Variants in EIF3A observed in about 807,000 individuals in gnomAD.
The protein encoded by EIF3A is EIF3, p180 subunit.
A neutral mutation model predicts 186.6 loss-of-function variants in EIF3A; 21 were observed. The observed-to-expected ratio is 0.11, with a 90% CI of 0.08 to 0.16. The LOEUF (loss-of-function observed/expected upper bound fraction) is 0.16. Among genes scored for constraint, EIF3A ranks in the 10% least tolerant of loss-of-function variants. The pLI, the probability that EIF3A is intolerant of heterozygous loss-of-function variation, is 1.00. For synonymous variants in EIF3A, 563 were observed against 584.3 expected (o/e 0.96, Z 0.52); for missense variants, 1,306 against 1,796.3 (o/e 0.73, Z 4.93).
In EIF3A at chr10:119,061,314, T is replaced by C. The variant is rs146844229; in HGVS notation, c.1137A>G (p.Val379=). ...GLINDMVRFN[V]LQYVVPEVKD... ...TCACTTCTGGGACAACATATTGTAG[T>C]ACATTAAATCTGACCTACAGTAAGC... The change falls in exon 8 of 22, where the codon GTA becomes GTG. Residue 379 remains valine (V), a synonymous_variant. Coordinates refer to ENST00000369144, the MANE Select transcript of EIF3A (RefSeq NM_003750.4). The C allele has an allele frequency of 3.0e-4, 464 of 1,557,492 alleles. No individual in the cohort carries two copies. Among genetic ancestry groups the C allele is most frequent in the Non-Finnish European group, 4.0e-4 (457 of 1,138,480 alleles).
At chr10:119,065,790 C>G (rs1843963401) in intron 6 of EIF3A, among the ~76,000 whole-genome samples, 1 of 152,182 alleles carries the variant, frequency 6.6e-6, no homozygotes, top group African/African-American at 2.4e-5. Flanking sequence ...CATCTATCCA[C>G]TCAGTACTGT....
At chr10:119,069,853 G>T (rs1245608915) in intron 5 of EIF3A, among the ~76,000 whole-genome samples, 199 bp from the exon 6 acceptor site, 2 of 151,632 alleles carry the variant, frequency 1.3e-5, no homozygotes, top group Non-Finnish European at 2.9e-5. Flanking sequence ...ACGTTTTAAA[G>T]TTCTTTAGGA....
intron 1 of EIF3A, among the ~76,000 whole-genome samples, chr10:119,079,970 C>A (rs1844236282): frequency 6.6e-6 from 1 of 152,136 alleles, no homozygotes; most frequent in Admixed American, 6.5e-5. Context: ...TGCTTCTAAT[C>A]AATGCCAGGA....
chr10:119,068,986 A>G (rs1589694838), intron 6 of EIF3A, among the ~76,000 whole-genome samples: 1 of 151,944 alleles, frequency 6.6e-6, no homozygotes, highest in Admixed American at 6.6e-5. Flanking sequence ...AAAAAAAAAA[A>G]AAAAGAAAAG....
chr10:119,049,693 CCACTGTACTCCA>C lies in EIF3A; in HGVS notation c.2658+96_2658+107del, dbSNP rs1848330534. 5.5e-6 allele frequency: 5 copies of C among 912,954 alleles called. No homozygotes were observed. The East Asian group carries it at 1.2e-4, about 22-fold the overall frequency. 56.6% of individuals were successfully genotyped at this position (912,954 alleles called of 1,614,324 possible). A position where few individuals can be genotyped will look rare whatever the true frequency, so the allele number is the denominator to read the frequency against. ...CTTGAACCCGGGGGCTGAGATTGCA[CCACTGTACTCCA>C]GCCTGGGCAACCTGGGCGACAGAGC... On this transcript the variant is annotated intron_variant, in intron 17 of 21. Transcript: ENST00000369144.
rs191788011 is a variant in EIF3A, at chr10:119,079,304, C to A, written c.49+1324G>T. Reference sequence around the variant, plus strand: ...AATTATCCTATTCCACAGACCAGTTCCCTCCCCGACAAAAAGTGTTACTTT... The same window carrying A: ...AATTATCCTATTCCACAGACCAGTTACCTCCCCGACAAAAAGTGTTACTTT... On this transcript the variant is annotated intron_variant, in intron 1 of 21. Coordinates refer to ENST00000369144, the MANE Select transcript of EIF3A (RefSeq NM_003750.4). Among the ~76,000 whole-genome samples, 48 of 152,250 alleles carry A rather than the reference C, an allele frequency of 3.2e-4. 2 individuals carry two copies. Among genetic ancestry groups the A allele is most frequent in the African/African-American group, 1.1e-3 (47 of 41,560 alleles).
intron 18 of EIF3A, among the ~76,000 whole-genome samples, chr10:119,043,073 C>T (rs977651398): frequency 1.3e-5 from 2 of 152,028 alleles, no homozygotes; most frequent in African/African-American, 4.8e-5. Flanking sequence ...TGCTTGAGCC[C>T]AGGAGTTTGA....
intron 1 of EIF3A, among the ~76,000 whole-genome samples, chr10:119,075,610 T>TAA (rs1361570172): frequency 0.013 from 67 of 5,184 alleles, 1 homozygote; most frequent in Non-Finnish European, 0.029. Flanking sequence ...AACACTACAC[T>TAA]AAAAAAAAAA....
At chr10:119,051,431 T>G (rs759188531) in intron 14 of EIF3A, 110 bp from the exon 15 acceptor site, 2 of 1,086,612 alleles carry the variant, frequency 1.8e-6, no homozygotes, top group Non-Finnish European at 2.5e-6. Flanking sequence ...CTGCCCCTTC[T>G]GTCATGCCAT....
intron 5 of EIF3A, 102 bp from the exon 6 acceptor site, chr10:119,069,756 CAAATA>C: frequency 1.5e-6 from 1 of 669,458 alleles, no homozygotes; most frequent in South Asian, 1.8e-5. Context: ...ATAAAAATAG[CAAATA>C]AAATACCTTT....
chr10:119,051,489 C>CA (rs34715807), intron 14 of EIF3A, among the ~76,000 whole-genome samples, 168 bp from the exon 15 acceptor site: 49,361 of 151,850 alleles, frequency 0.33, 8,808 homozygotes, highest in Non-Finnish European at 0.4. Context: ...CCCCAGAAGG[C>CA]AATTACGGGC....
intron 19 of EIF3A, among the ~76,000 whole-genome samples, chr10:119,040,229 T>C (rs747214292): frequency 7.9e-5 from 12 of 151,902 alleles, no homozygotes; most frequent in Non-Finnish European, 1.8e-4. Context: ...CAAAAACCAG[T>C]TAGCGGGTGA....
rs567176869 is a variant in EIF3A, at chr10:119,070,299, C to G, written c.741+587G>C. Among the ~76,000 whole-genome samples the G allele has an allele frequency of 2.0e-5, 3 of 152,310 alleles. No homozygotes were observed. The East Asian group carries it at 5.8e-4, about 29-fold the overall frequency. ...CAGGGAGAGGACTAGCTTCCTAACA[C>G]CATCAAGATCTCCAATGCAAGACAG... On this transcript the variant is annotated intron_variant, in intron 5 of 21. Transcript: ENST00000369144.
At chr10:119,061,173 C>T (rs1843878901) in intron 8 of EIF3A, 51 bp downstream of exon 8, 3 of 1,059,816 alleles carry the variant, frequency 2.8e-6, no homozygotes, top group East Asian at 2.5e-5. Context: ...CCCAAAACTG[C>T]AAGAAGGCCA....
chr10:119,063,206 G>A (rs543868731), intron 7 of EIF3A, among the ~76,000 whole-genome samples: 1 of 152,100 alleles, frequency 6.6e-6, no homozygotes, highest in African/African-American at 2.4e-5. Context: ...ATTACATTGA[G>A]TCCTACATCG....
At chr10:119,078,118 A>T (rs1346760617) in intron 1 of EIF3A, among the ~76,000 whole-genome samples, 1 of 151,994 alleles carries the variant, frequency 6.6e-6, no homozygotes, top group Non-Finnish European at 1.5e-5. Context: ...CCAAATGGAT[A>T]TGCTATGTTA....
At chr10:119,050,821 A>G (rs1848346709) in intron 15 of EIF3A, 147 bp from the exon 16 acceptor site, 1 of 860,778 alleles carries the variant, frequency 1.2e-6, no homozygotes, top group Non-Finnish European at 1.8e-6. Context: ...TAACTTCCAA[A>G]TGACCATTAA....
rs1848331167 is a variant in EIF3A, at chr10:119,049,725, CAG to C, written c.2658+74_2658+75del. On this transcript the variant is annotated intron_variant, in intron 17 of 21. Transcript: ENST00000369144. The stretch of plus-strand genomic sequence containing the variant: ...ACTCCAGCCTGGGCAACCTGGGCGA[CAG>C]AGCAAGACTGTGCCTCAACCAAAAA... 9.7e-6 allele frequency: 13 copies of C among 1,335,184 alleles called. No individual in the cohort carries two copies. In the South Asian group the frequency reaches 1.8e-4, roughly 18 times the overall value. The allele number at this position is 1,335,184 out of a possible 1,614,324, so 82.7% of individuals were successfully genotyped here.
chr10:119,069,962 G>A (rs1219845583), intron 5 of EIF3A, among the ~76,000 whole-genome samples: 1 of 152,064 alleles, frequency 6.6e-6, no homozygotes, highest in Non-Finnish European at 1.5e-5. Flanking sequence ...ATATACAACA[G>A]GTTATTTCTG....
Sources: allele counts gnomAD v4.1 joint callset (sites outside exome capture counted in the v4.1 genomes callset), GRCh38; gene constraint gnomAD v4.1.1; transcripts MANE v1.5; gene names NCBI Gene and HGNC (gene_info 2026-07-23, HGNC 2026-07-21).